The following SLC43A2 variants were observed in gnomAD, a reference collection of about 807,000 sequenced individuals.
The protein encoded by SLC43A2 is large neutral amino acids transporter small subunit 4.
In SLC43A2, 38 loss-of-function variants were observed where a neutral mutation model predicts 63.2. The observed-to-expected ratio is 0.60, with a 90% CI of 0.46 to 0.79. The LOEUF is 0.79. SLC43A2 is among the 30% of genes least tolerant of loss of function. SLC43A2 has a pLI of 0.00. For missense variants in SLC43A2, 644 were observed against 756.2 expected (o/e 0.85, Z 1.74); for synonymous variants, 322 against 331.0 (o/e 0.97, Z 0.30).
chr17:1,591,058 C>G, intron 8 of SLC43A2, 110 bp from the exon 9 acceptor site: 1 of 1,333,948 alleles, frequency 7.5e-7, no homozygotes, highest in Non-Finnish European at 1.0e-6. Flanking sequence ...CGGGACGGGC[C>G]TGGTGAGGGT....
chr17:1,610,904 G>A lies in SLC43A2; in HGVS notation c.501+2291C>T, dbSNP rs553830374. On this transcript the variant is annotated intron_variant, in intron 5 of 13. Transcript: ENST00000301335. ...CACCCAGGCTGGAGTTCAGTGGCGC[G>A]ATCTCGGCTCACTGCAAACTCCGCC... Among the ~76,000 whole-genome samples the A allele has an allele frequency of 1.9e-3, 281 of 150,396 alleles. 1 individual carries two copies. Among genetic ancestry groups the A allele is most frequent in the African/African-American group, 6.7e-3 (275 of 40,942 alleles).
intron 3 of SLC43A2, among the ~76,000 whole-genome samples, chr17:1,615,800 G>A (rs1238580356): frequency 2.0e-5 from 3 of 147,564 alleles, no homozygotes; most frequent in Non-Finnish European, 4.5e-5. Context: ...CCGAGATCGC[G>A]CCGCTGCACT....
At chr17:1,580,141 C>A (rs2075990334) in intron 11 of SLC43A2, among the ~76,000 whole-genome samples, 1 of 152,190 alleles carries the variant, frequency 6.6e-6, no homozygotes, top group Non-Finnish European at 1.5e-5. Context: ...TGGTCTCGAA[C>A]TCCTGACCTC....
chr17:1,614,428 AAAC>A (rs1555543856), intron 4 of SLC43A2, among the ~76,000 whole-genome samples: 5 of 152,036 alleles, frequency 3.3e-5, no homozygotes, highest in African/African-American at 1.2e-4. Flanking sequence ...AAACAAAACA[AAAC>A]AACAACAACA....
chr17:1,619,634 G>A (rs756656779), intron 2 of SLC43A2, among the ~76,000 whole-genome samples: 11 of 152,254 alleles, frequency 7.2e-5, no homozygotes, highest in South Asian at 2.1e-4. Flanking sequence ...CCCATCCACA[G>A]TGGGGCAGCT....
At chr17:1,604,195 TAC>T (rs58553058) in intron 5 of SLC43A2, among the ~76,000 whole-genome samples, 138,410 of 152,100 alleles carry the variant, frequency 0.91, 63,621 homozygotes, top group Non-Finnish European at 0.97. Context: ...CATGTGCCAC[TAC>T]GCCACGATGC....
chr17:1,591,634 C>T lies in SLC43A2; in HGVS notation c.660G>A (p.Leu220=), dbSNP rs376716052. The change falls in exon 7 of 14, where the codon CTG becomes CTA. Residue 220 remains leucine, a synonymous_variant. Coordinates refer to ENST00000301335, the MANE Select transcript of SLC43A2 (RefSeq NM_152346.3). ...VLVVWAGCSG[L]VFLNCFFNWP... ...AGTTAAAGAAGCAGTTGAGGAAAACCAGCCCGGAGCAGCCGGCCCAGACCA... is the reference window on the plus strand; with the variant it reads ...AGTTAAAGAAGCAGTTGAGGAAAACTAGCCCGGAGCAGCCGGCCCAGACCA... 28 of 1,549,238 alleles carry T rather than the reference C, an allele frequency of 1.8e-5. No individual in the cohort carries two copies. Among genetic ancestry groups the T allele is most frequent in the Non-Finnish European group, 2.2e-5 (25 of 1,146,672 alleles).
chr17:1,616,859 C>T, intron 2 of SLC43A2, 90 bp from the exon 3 acceptor site: 1 of 1,447,234 alleles, frequency 6.9e-7, no homozygotes, highest in South Asian at 1.2e-5. Flanking sequence ...AGAGTCCCCC[C>T]ACTGGGAATG....
chr17:1,600,152 ATT>A (rs1555541181), intron 5 of SLC43A2, among the ~76,000 whole-genome samples: 1,328 of 60,036 alleles, frequency 0.022, 12 homozygotes, highest in Non-Finnish European at 0.028. Flanking sequence ...ATATATATAT[ATT>A]TTTTTTTTTT....
At chr17:1,582,288 C>T (rs2076031613) in intron 11 of SLC43A2, among the ~76,000 whole-genome samples, 1 of 152,138 alleles carries the variant, frequency 6.6e-6, no homozygotes, top group African/African-American at 2.4e-5. Context: ...CCAAGTCGCC[C>T]AGGCTGGTCT....
chr17:1,583,682 A>G lies in SLC43A2; in HGVS notation c.1218-346T>C, dbSNP rs2076055255. 2 of 231,852 alleles carry G rather than the reference A, an allele frequency of 8.6e-6. No homozygotes were observed. Among genetic ancestry groups the G allele is most frequent in the African/African-American group, 4.5e-5 (2 of 44,850 alleles). 14.4% of individuals were successfully genotyped at this position (231,852 alleles called of 1,614,324 possible). A position where few individuals can be genotyped will look rare whatever the true frequency, so the allele number is the denominator to read the frequency against. ...AAAGCCTCACTTCACCACTGGCTTC[A>G]AGTTCACCCAAATCTTGCAGGACGC... On this transcript the variant is annotated intron_variant, in intron 10 of 13. Coordinates refer to ENST00000301335, the MANE Select transcript of SLC43A2 (RefSeq NM_152346.3). The surrounding 1 kb of genome is among the most constrained non-coding windows in gnomAD (Gnocchi z 5.5).
chr17:1,589,399 G>A (rs566221960), intron 9 of SLC43A2, among the ~76,000 whole-genome samples: 1 of 152,244 alleles, frequency 6.6e-6, no homozygotes, highest in Admixed American at 6.5e-5. Flanking sequence ...GAGCCCAGGA[G>A]TTCGACACCA....
rs944123062 is a variant in SLC43A2, at chr17:1,605,953, C to T, written c.501+7242G>A. 3.3e-5 allele frequency among the ~76,000 whole-genome samples: 5 copies of T among 152,196 alleles called. No homozygotes were observed. Among genetic ancestry groups the T allele is most frequent in the African/African-American group, 1.2e-4 (5 of 41,450 alleles). On this transcript the variant is annotated intron_variant, in intron 5 of 13. Coordinates refer to ENST00000301335, the MANE Select transcript of SLC43A2 (RefSeq NM_152346.3). This position sits in a 1 kb window ranked among gnomAD's most constrained non-coding sequence, Gnocchi z 4.9. ...AATACCGCTGCCCTTTCCGTCTGAA[C>T]GTGGTCACATACTGCAGCAAATTCA...
intron 5 of SLC43A2, among the ~76,000 whole-genome samples, chr17:1,602,308 A>G (rs1906130064): frequency 6.6e-6 from 1 of 152,090 alleles, no homozygotes; most frequent in South Asian, 2.1e-4. Context: ...CACCCGGCCA[A>G]TCTTTGTATA....
Position 1,590,782 on chromosome 17 carries a change from A to G in SLC43A2, c.1078+20T>C. The G allele has an allele frequency of 6.4e-7, 1 of 1,551,114 alleles. No homozygotes were observed. The highest frequency in any genetic ancestry group is 8.7e-7 in the Non-Finnish European group (1 of 1,147,500). On this transcript the variant is annotated intron_variant, in intron 9 of 13. Coordinates refer to ENST00000301335, the MANE Select transcript of SLC43A2 (RefSeq NM_152346.3). ...TCAGGCCGGGGAGTGACAGCGACCG[A>G]GGCTGCCCGGGGCACCTACCTGTCT...
chr17:1,597,847 T>C (rs1905465958), intron 5 of SLC43A2, among the ~76,000 whole-genome samples: 1 of 152,046 alleles, frequency 6.6e-6, no homozygotes, highest in Non-Finnish European at 1.5e-5. Flanking sequence ...AGAAATCCCT[T>C]CCAACAGAAG....
At chr17:1,603,645 C>T (rs1176450391) in intron 5 of SLC43A2, among the ~76,000 whole-genome samples, 4 of 151,964 alleles carry the variant, frequency 2.6e-5, no homozygotes, top group South Asian at 2.1e-4. Flanking sequence ...ATTAGCCAGG[C>T]GTGGTGGCGT....
At chr17:1,576,846 T>G in intron 12 of SLC43A2, 126 bp from the exon 13 acceptor site, 1 of 1,142,736 alleles carries the variant, frequency 8.8e-7, no homozygotes, top group Non-Finnish European at 1.2e-6. Flanking sequence ...TCGGATTCCT[T>G]CCTGCTGGGC....
In SLC43A2 at chr17:1,627,751, A is replaced by C; in HGVS notation, c.124T>G (p.Ser42Ala). 6.3e-7 allele frequency: 1 copy of C among 1,579,762 alleles called. No homozygotes were observed. The highest frequency in any genetic ancestry group is 8.6e-7 in the Non-Finnish European group (1 of 1,162,334). The change falls in exon 2 of 14, where the codon TCA becomes GCA. Residue 42 changes from serine to alanine, a missense_variant. Physicochemically the swap from Ser to Ala is moderately conservative, Grantham distance 99. Around this residue, in one of 3 missense-constraint regions of SLC43A2, gnomAD observed 528 missense variants for 623.6 expected, o/e 0.85. Coordinates refer to ENST00000301335, the MANE Select transcript of SLC43A2 (RefSeq NM_152346.3). ...CACAGGTAGGAGTAAAAGCCCTCTG[A>C]CTTGAGCATGATGAGCAGCGAGCCC... ...GWGSLLIMLK[S>A]EGFYSYLCTE...
Sources: gnomAD v4.1 joint callset for allele counts (sites outside exome capture counted in the v4.1 genomes callset) on GRCh38, gnomAD v4.1.1 for gene constraint, gnomAD v4.1.1 regional missense constraint, Gnocchi (gnomAD v3.1) non-coding constraint, MANE v1.5 for transcripts, NCBI Gene and HGNC (gene_info 2026-07-23, HGNC 2026-07-21) for gene names.